Variants in TLN2 observed in about 807,000 individuals in gnomAD.
The protein encoded by TLN2 is talin-2.
TLN2 carries 118 observed loss-of-function variants against 294.7 expected under a neutral mutation model. The observed-to-expected ratio is 0.40, with a 90% CI of 0.34 to 0.47. TLN2 has a LOEUF of 0.47. Among genes scored for constraint, TLN2 ranks in the 20% least tolerant of loss-of-function variants. TLN2 has a pLI of 0.84. For missense variants in TLN2, 3,083 were observed against 3,282.2 expected (o/e 0.94, Z 1.48); for synonymous variants, 1,431 against 1,304.5 (o/e 1.10, Z -2.09).
intron 52 of TLN2, among the ~76,000 whole-genome samples, chr15:62,814,154 G>A (rs964597119): frequency 2.6e-5 from 4 of 152,264 alleles, no homozygotes; most frequent in African/African-American, 9.6e-5. Flanking sequence ...TAAAAGAATA[G>A]AGTCAAGGCT....
chr15:62,822,377 A>T (rs1181379928), intron 54 of TLN2, among the ~76,000 whole-genome samples: 1 of 152,236 alleles, frequency 6.6e-6, no homozygotes, highest in Non-Finnish European at 1.5e-5. Context: ...TGAAATAAAA[A>T]TTATTCCACT....
At chr15:62,578,970 T>C (rs1022088630) in intron 1 of TLN2, among the ~76,000 whole-genome samples, 1 of 152,124 alleles carries the variant, frequency 6.6e-6, no homozygotes, top group African/African-American at 2.4e-5. Flanking sequence ...ATAGAATGAG[T>C]TGCCATTTTA....
chr15:62,797,374 G>A lies in TLN2; in HGVS notation c.6206G>A (p.Ser2069Asn). 1 of 1,607,840 alleles carries A rather than the reference G, an allele frequency of 6.2e-7. No individual in the cohort carries two copies. The highest frequency in any genetic ancestry group is 8.5e-7 in the Non-Finnish European group (1 of 1,177,332). Residue 2069 changes from serine to asparagine, a missense_variant, in exon 48 of 59, where the codon AGC becomes AAC. Transcript: ENST00000636159. ...LAEVVKLGAA[S>N]LGSDDPETQV... ...GAAGTGGTCAAGCTGGGGGCAGCCA[G>A]CCTGGGCTCCGACGACCCCGAGACC...
intron 1 of TLN2, among the ~76,000 whole-genome samples, chr15:62,393,849 C>CT (rs35651315): frequency 0.05 from 6,845 of 138,202 alleles, 330 homozygotes; most frequent in African/African-American, 0.11. Context: ...TTGCCTGATT[C>CT]TTTTTTTTTT....
chr15:62,594,400 G>T (rs569886062), intron 2 of TLN2, among the ~76,000 whole-genome samples: 1 of 152,068 alleles, frequency 6.6e-6, no homozygotes, highest in African/African-American at 2.4e-5. Flanking sequence ...GAGAGAGAGG[G>T]TCTCCCTATG....
chr15:62,833,604 A>C lies in TLN2; in HGVS notation c.7103A>C (p.Gln2368Pro). The C allele has an allele frequency of 1.2e-6, 2 of 1,614,128 alleles. No individual in the cohort carries two copies. The highest frequency in any genetic ancestry group is 1.7e-6 in the Non-Finnish European group (2 of 1,180,008). Residue 2368 changes from glutamine to proline, a missense_variant, in exon 55 of 59, where the codon CAG (glutamine) becomes CCG (proline). Transcript: ENST00000636159. ...CTGGTCAAATCGGCCTCAGCAGCCC[A>C]GAGGGAGCTGGTGGCCCAAGGAAAG... ...SALVKSASAA[Q>P]RELVAQGKVG...
At chr15:62,708,219 A>G (rs2059191648) in intron 20 of TLN2, among the ~76,000 whole-genome samples, 2 of 152,182 alleles carry the variant, frequency 1.3e-5, no homozygotes, top group Admixed American at 1.3e-4. Flanking sequence ...ATTTCTCTGT[A>G]TGGAAGTAGG....
At chr15:62,808,008 C>A (rs1173860663) in intron 51 of TLN2, among the ~76,000 whole-genome samples, 1 of 152,164 alleles carries the variant, frequency 6.6e-6, no homozygotes, top group Non-Finnish European at 1.5e-5. Context: ...GAGTGGTGGT[C>A]AAGACGGAAG....
chr15:62,390,916 C>T (rs1210736260), intron 1 of TLN2, among the ~76,000 whole-genome samples: 3 of 152,364 alleles, frequency 2.0e-5, no homozygotes, highest in Admixed American at 1.3e-4. Context: ...ATTAATGCAC[C>T]TGTCTATTGC....
intron 13 of TLN2, among the ~76,000 whole-genome samples, chr15:62,693,221 A>C (rs960365188): frequency 6.6e-6 from 1 of 152,090 alleles, no homozygotes; most frequent in Non-Finnish European, 1.5e-5. Flanking sequence ...AGTCCCAGTT[A>C]CTCGGGAGGT....
rs2068009627 is a variant in TLN2 at position 62,825,757 on chromosome 15, TTA to T, written c.7002+5150_7002+5151del. Among the ~76,000 whole-genome samples, 4 of 97,262 alleles carry T rather than the reference TTA, an allele frequency of 4.1e-5. 1 individual carries two copies. The highest frequency in any genetic ancestry group is 3.2e-4 in the South Asian group (1 of 3,112). The allele number at this position is 97,262 out of a possible 152,430, so 63.8% of individuals were successfully genotyped here. On this transcript the variant is annotated intron_variant, in intron 54 of 58. Coordinates refer to ENST00000636159, the MANE Select transcript of TLN2 (RefSeq NM_015059.3). The stretch of plus-strand genomic sequence containing the variant: ...ATATTTTTATATATATTAAATATAA[TTA>T]TAATTATATATTATATAATATATTA...
At chr15:62,491,292 A>C (rs2038691104) in intron 1 of TLN2, among the ~76,000 whole-genome samples, 3 of 149,280 alleles carry the variant, frequency 2.0e-5, no homozygotes, top group Non-Finnish European at 4.4e-5. Context: ...GTGCCACTGC[A>C]CTCCAGTCTG....
In TLN2 at chr15:62,724,996, G is replaced by A. The variant is rs1408683489; in HGVS notation, c.3147G>A (p.Pro1049=). The A allele has an allele frequency of 9.3e-6, 15 of 1,612,264 alleles. No homozygotes were observed. The highest frequency in any genetic ancestry group is 2.7e-5 in the African/African-American group (2 of 74,878). The change falls in exon 27 of 59, where the codon CCG becomes CCA. Residue 1049 remains proline, a synonymous_variant. Coordinates refer to ENST00000636159, the MANE Select transcript of TLN2 (RefSeq NM_015059.3). Reference sequence around the variant, plus strand: ...GGCAGGCCCATGAAGCTTGTGGTCCGATGGAAATCGATTCAGCTCTGAATA... The same window carrying A: ...GGCAGGCCCATGAAGCTTGTGGTCCAATGGAAATCGATTCAGCTCTGAATA... ...ASQKAHEACG[P]MEIDSALNTV... is the part of the protein sequence containing the mutation.
At chr15:62,820,388 G>A in intron 53 of TLN2, 98 bp from the exon 54 acceptor site, 1 of 1,426,668 alleles carries the variant, frequency 7.0e-7, no homozygotes, top group Non-Finnish European at 9.4e-7. Context: ...CAGGCTCCTG[G>A]AGCCTTCATG....
intron 2 of TLN2, among the ~76,000 whole-genome samples, chr15:62,614,465 A>G (rs2048151694): frequency 6.6e-6 from 1 of 152,152 alleles, no homozygotes; most frequent in Non-Finnish European, 1.5e-5. Flanking sequence ...TGCTGCTTGT[A>G]TATCTAAATG....
intron 17 of TLN2, 104 bp from the exon 18 acceptor site, chr15:62,701,888 C>T (rs1285635429): frequency 1.5e-6 from 2 of 1,307,488 alleles, no homozygotes; most frequent in Non-Finnish European, 2.1e-6. Flanking sequence ...GTGTCTGACT[C>T]CTGCAGGATG....
intron 1 of TLN2, among the ~76,000 whole-genome samples, chr15:62,502,305 AT>A (rs1228796913): frequency 1.8e-4 from 28 of 152,386 alleles, no homozygotes; most frequent in African/African-American, 6.5e-4. Context: ...CTTTCAAAAC[AT>A]GGAGTTGCTA....
intron 54 of TLN2, chr15:62,823,879 A>C (rs1349678539): frequency 1.3e-5 from 6 of 463,308 alleles, no homozygotes; most frequent in Non-Finnish European, 2.6e-5. Flanking sequence ...GAGTTGCTGC[A>C]AAAGTGACCA....
chr15:62,781,099 G>A (rs2064127384), intron 43 of TLN2, 41 bp from the exon 44 acceptor site: 11 of 1,476,826 alleles, frequency 7.4e-6, no homozygotes, highest in South Asian at 1.1e-5. Flanking sequence ...CACTTCAGCA[G>A]GCTTCTTATG....
Sources: allele counts gnomAD v4.1 joint callset (sites outside exome capture counted in the v4.1 genomes callset), GRCh38; gene constraint gnomAD v4.1.1; transcripts MANE v1.5; gene names NCBI Gene and HGNC (gene_info 2026-07-23, HGNC 2026-07-21).